The following PAX7 variants were observed in gnomAD, a reference collection of about 807,000 sequenced individuals.
PAX7 encodes paired box protein Pax-7.
A neutral mutation model predicts 50.7 loss-of-function variants in PAX7; 18 were observed. The observed-to-expected ratio is 0.36, with a 90% confidence interval of 0.25 to 0.53. The LOEUF (loss-of-function observed/expected upper bound fraction) is 0.53. Ranked by LOEUF, PAX7 falls within the 20% of genes least tolerant of loss-of-function variation. The pLI is 0.93. For missense variants in PAX7, 644 were observed against 702.9 expected (o/e 0.92, Z 0.95); for synonymous variants, 310 against 290.4 (o/e 1.07, Z -0.69).
intron 7 of PAX7, among the ~76,000 whole-genome samples, chr1:18,722,714 A>G (rs2089510457): frequency 6.6e-6 from 1 of 152,110 alleles, no homozygotes; most frequent in Non-Finnish European, 1.5e-5. Context: ...GGAACTTTCT[A>G]CAGTGCCAGC....
chr1:18,637,840 G>A (rs550705069), intron 4 of PAX7, among the ~76,000 whole-genome samples: 2 of 152,370 alleles, frequency 1.3e-5, no homozygotes, highest in East Asian at 3.9e-4. Context: ...GGCGAGGGAA[G>A]AAAGGGAGCC....
chr1:18,721,571 C>G (rs1410705507), intron 7 of PAX7, among the ~76,000 whole-genome samples: 3 of 152,258 alleles, frequency 2.0e-5, no homozygotes, highest in Non-Finnish European at 4.4e-5. Context: ...AATAGTCCTG[C>G]TGCTGTGCTC....
chr1:18,660,037 G>T (rs994341143), intron 4 of PAX7, among the ~76,000 whole-genome samples: 1 of 152,216 alleles, frequency 6.6e-6, no homozygotes, highest in Non-Finnish European at 1.5e-5. Flanking sequence ...GTAGGAGGTC[G>T]GAATTCGTCC....
chr1:18,700,911 C>T lies in PAX7; in HGVS notation c.952+93C>T. On this transcript the variant is annotated intron_variant, in intron 6 of 8. Transcript: ENST00000420770. This position sits in a 1 kb window ranked among gnomAD's most constrained non-coding sequence, Gnocchi z 4.8. ...CAAAGGCTCTTCTTTTTTTTATGAC[C>T]ATTTCTTACTTTCATGTAAGCAGGC... is the stretch of plus-strand genomic sequence containing the variant. 8.5e-7 allele frequency: 1 copy of T among 1,178,080 alleles called. No homozygotes were observed. The highest frequency in any genetic ancestry group is 1.1e-6 in the Non-Finnish European group (1 of 887,384). The allele number at this position is 1,178,080 out of a possible 1,614,324, so 73.0% of individuals were successfully genotyped here.
intron 4 of PAX7, among the ~76,000 whole-genome samples, chr1:18,659,030 GTA>G (rs1386296174): frequency 1.3e-5 from 2 of 152,054 alleles, no homozygotes; most frequent in Non-Finnish European, 1.5e-5. Flanking sequence ...ATGCCTGTAT[GTA>G]TATGTGTGTG....
At chr1:18,737,222 A>G (rs1356951112) in intron 8 of PAX7, among the ~76,000 whole-genome samples, 1 of 152,232 alleles carries the variant, frequency 6.6e-6, no homozygotes, top group Non-Finnish European at 1.5e-5. Flanking sequence ...GCTGGTGTCA[A>G]ACTAATCAGA....
chr1:18,722,431 T>G, intron 7 of PAX7, among the ~76,000 whole-genome samples: 1 of 152,328 alleles, frequency 6.6e-6, no homozygotes, highest in East Asian at 1.9e-4. Flanking sequence ...CTTGTTTGTT[T>G]GGTACGTCAA....
intron 4 of PAX7, among the ~76,000 whole-genome samples, chr1:18,678,091 A>AAAAAG (rs2088849521): frequency 6.7e-6 from 1 of 149,888 alleles, no homozygotes; most frequent in Non-Finnish European, 1.5e-5. Context: ...GAAAAAAAAA[A>AAAAAG]AAAAAGAAAA....
intron 7 of PAX7, among the ~76,000 whole-genome samples, chr1:18,722,774 T>C (rs1346905365): frequency 6.6e-6 from 1 of 152,070 alleles, no homozygotes; most frequent in African/African-American, 2.4e-5. Flanking sequence ...CCTGGGTCCA[T>C]CTCGTGAGGG....
intron 7 of PAX7, among the ~76,000 whole-genome samples, chr1:18,717,150 C>T (rs1236591941): frequency 6.6e-6 from 1 of 152,216 alleles, no homozygotes; most frequent in South Asian, 2.1e-4. Flanking sequence ...ACAACTGTCT[C>T]CCCGAGATAA....
At chr1:18,643,513 A>C (rs1007964556) in intron 4 of PAX7, among the ~76,000 whole-genome samples, 2 of 152,234 alleles carry the variant, frequency 1.3e-5, no homozygotes, top group African/African-American at 4.8e-5. Context: ...GGCGCCGAGC[A>C]GCAGGAAGAA....
intron 7 of PAX7, among the ~76,000 whole-genome samples, chr1:18,721,628 G>A (rs953106520): frequency 1.3e-5 from 2 of 152,272 alleles, no homozygotes; most frequent in African/African-American, 4.8e-5. Flanking sequence ...GGGCAAAGCA[G>A]AGAGGCTGCT....
rs542426096 is a variant in PAX7, at chr1:18,679,038, G to A, written c.587-12716G>A. ...ATACTGATGAGCATTGTAGTGAGGT[G>A]TTGTGATTTGCTACAGGAAAGGTGC... On this transcript the variant is annotated intron_variant, in intron 4 of 8. Transcript: ENST00000420770. 3.3e-5 allele frequency among the ~76,000 whole-genome samples: 5 copies of A among 152,306 alleles called. No homozygotes were observed. The South Asian group carries it at 8.3e-4, about 25-fold the overall frequency.
At chr1:18,715,906 C>T (rs2089414315) in intron 7 of PAX7, among the ~76,000 whole-genome samples, 1 of 152,136 alleles carries the variant, frequency 6.6e-6, no homozygotes, top group Non-Finnish European at 1.5e-5. Flanking sequence ...ATTCATGTTC[C>T]CTCAACACCT....
Position 18,748,414 on chromosome 1 carries a change from C to A in PAX7, c.*3485C>A, listed in dbSNP as rs1931534337. On this transcript the variant is annotated 3_prime_UTR_variant, in exon 9 of 9. Transcript: ENST00000420770. ...GGACACTTTTTGGGGGTACACAGGT[C>A]TTCTCTCCTCCCCTCCTGCAGAGGC... The A allele has an allele frequency of 4.3e-6, 1 of 231,534 alleles. No individual in the cohort carries two copies. The highest frequency in any genetic ancestry group is 8.5e-6 in the Non-Finnish European group (1 of 117,090). The allele number at this position is 231,534 out of a possible 1,614,324, so 14.3% of individuals were successfully genotyped here.
chr1:18,647,627 C>T (rs973286014), intron 4 of PAX7, among the ~76,000 whole-genome samples: 5 of 152,174 alleles, frequency 3.3e-5, no homozygotes, highest in Non-Finnish European at 5.9e-5. Context: ...TCCATGGACA[C>T]AACCTCAAAG....
chr1:18,746,115 T>A lies in PAX7; in HGVS notation c.*1186T>A, dbSNP rs1255993917. The A allele has an allele frequency of 8.6e-6, 2 of 231,872 alleles. No homozygotes were observed. Among genetic ancestry groups the A allele is most frequent in the Non-Finnish European group, 1.7e-5 (2 of 117,352 alleles). The allele number at this position is 231,872 out of a possible 1,614,324, so 14.4% of individuals were successfully genotyped here. A position where few individuals can be genotyped will look rare whatever the true frequency, so the allele number is the denominator to read the frequency against. ...TACCCTCAGAGCTTTGGAGGAGGGT[T>A]GTAGACTGGGCAGGGATGGTTTGCC... is the stretch of plus-strand genomic sequence containing the variant. On this transcript the variant is annotated 3_prime_UTR_variant, in exon 9 of 9. Transcript: ENST00000420770.
At chr1:18,642,822 T>A (rs1268259237) in intron 4 of PAX7, among the ~76,000 whole-genome samples, 2 of 150,806 alleles carry the variant, frequency 1.3e-5, no homozygotes, top group South Asian at 2.1e-4. Flanking sequence ...CATTAGTAGA[T>A]AGATGTCTCC....
Position 18,724,615 on chromosome 1 carries a change from C to T in PAX7, c.1156-11017C>T, listed in dbSNP as rs1024585039. 2.6e-5 allele frequency among the ~76,000 whole-genome samples: 4 copies of T among 152,112 alleles called. No homozygotes were observed. In the East Asian group the frequency reaches 7.7e-4, roughly 29 times the overall value. ...AGGTAGGAAGAGGTGCTGAGCTGGCCCTGCAGCAAGGCCCCTGGGTGGATG... is the reference window on the plus strand; with the variant it reads ...AGGTAGGAAGAGGTGCTGAGCTGGCTCTGCAGCAAGGCCCCTGGGTGGATG... On this transcript the variant is annotated intron_variant, in intron 7 of 8. Transcript: ENST00000420770.
Sources: allele counts gnomAD v4.1 joint callset (sites outside exome capture counted in the v4.1 genomes callset), GRCh38; gene constraint gnomAD v4.1.1; non-coding constraint Gnocchi (gnomAD v3.1); transcripts MANE v1.5; gene names NCBI Gene and HGNC (gene_info 2026-07-23, HGNC 2026-07-21).